The following DSCAML1 variants were observed in gnomAD, a reference collection of about 807,000 sequenced individuals.
The protein encoded by DSCAML1 is cell adhesion molecule DSCAML1.
Under a neutral mutation model 200.5 loss-of-function variants are expected in DSCAML1, and 38 were observed. The ratio of observed to expected loss-of-function variants is 0.19; its 90% CI spans 0.15 to 0.25. The LOEUF (loss-of-function observed/expected upper bound fraction) is 0.25, where lower values mean the gene tolerates loss of function less well. DSCAML1 is among the 10% of genes least tolerant of loss of function. DSCAML1 has a pLI of 1.00. For missense variants in DSCAML1, 2,223 were observed against 2,858.8 expected, an observed-to-expected ratio of 0.78 and a Z score of 5.07; for synonymous variants, 1,215 against 1,165.0, an observed-to-expected ratio of 1.04 and a Z score of -0.87.
At chr11:117,724,998 C>G (rs544617673) in intron 3 of DSCAML1, among the ~76,000 whole-genome samples, 1 of 152,196 alleles carries the variant, frequency 6.6e-6, no homozygotes, top group East Asian at 1.9e-4. Flanking sequence ...TCTCTGGACA[C>G]CCCCAAAGGC....
chr11:117,428,624 G>A lies in DSCAML1; in HGVS notation c.5866C>T (p.Pro1956Ser), dbSNP rs768423039. 3 of 1,609,958 alleles carry A rather than the reference G, an allele frequency of 1.9e-6. No homozygotes were observed. The highest frequency in any genetic ancestry group is 2.5e-6 in the Non-Finnish European group (3 of 1,178,474). Reference sequence around the variant, plus strand: ...GCGGCAGCGGGGGCCCCTGGGTGGGGAAGGCCCAAGGACTTGCTGGCAGGG... The same window carrying A: ...GCGGCAGCGGGGGCCCCTGGGTGGGAAAGGCCCAAGGACTTGCTGGCAGGG... ...LDPASKSLGL[P>S]HPGAPAAAST... The change falls in exon 33 of 33, where the codon CCC (proline) becomes TCC (serine). Residue 1956 changes from proline (P) to serine (S), a missense_variant. By Grantham distance (74) the Pro-to-Ser change is moderately conservative. This residue lies in a region of DSCAML1 where 280 missense variants were observed against 213.4 expected (regional missense o/e 1.31). Coordinates refer to ENST00000651296, the MANE Select transcript of DSCAML1 (RefSeq NM_020693.4).
intron 3 of DSCAML1, among the ~76,000 whole-genome samples, chr11:117,578,007 G>T (rs532616376): frequency 2.0e-5 from 3 of 151,820 alleles, no homozygotes; most frequent in African/African-American, 7.2e-5. Flanking sequence ...GGCTGGGATG[G>T]GTGGATCACC....
At chr11:117,647,922 C>T (rs1468990289) in intron 3 of DSCAML1, among the ~76,000 whole-genome samples, 1 of 152,154 alleles carries the variant, frequency 6.6e-6, no homozygotes, top group Non-Finnish European at 1.5e-5. Flanking sequence ...GCCCTTGTGG[C>T]CATGTCACGT....
chr11:117,784,734 G>A (rs1057107724), intron 1 of DSCAML1, among the ~76,000 whole-genome samples: 1 of 152,176 alleles, frequency 6.6e-6, no homozygotes, highest in African/African-American at 2.4e-5. Flanking sequence ...CCCCTCACCT[G>A]CTGTGTGACC....
chr11:117,630,006 A>C (rs910760946), intron 3 of DSCAML1, among the ~76,000 whole-genome samples: 4 of 152,084 alleles, frequency 2.6e-5, no homozygotes, highest in Non-Finnish European at 5.9e-5. Flanking sequence ...GTCTCCAAAA[A>C]AGAGAGAGAT....
chr11:117,573,534 G>A (rs1565798396), intron 3 of DSCAML1, among the ~76,000 whole-genome samples: 2 of 152,182 alleles, frequency 1.3e-5, no homozygotes, highest in East Asian at 1.9e-4. Context: ...CCCCAGCCAG[G>A]TAATCCCCTG....
chr11:117,759,373 G>A (rs1027333529), intron 3 of DSCAML1, among the ~76,000 whole-genome samples: 3 of 152,210 alleles, frequency 2.0e-5, no homozygotes, highest in Non-Finnish European at 4.4e-5. Context: ...GTGCTTTTAA[G>A]AGCTAAAGCA....
intron 1 of DSCAML1, among the ~76,000 whole-genome samples, chr11:117,786,995 C>G (rs2055367529): frequency 6.6e-6 from 1 of 152,204 alleles, no homozygotes; most frequent in African/African-American, 2.4e-5. Flanking sequence ...CTCTCCCTTG[C>G]AAGGCCATTA....
At chr11:117,441,552 G>A (rs894730022) in intron 21 of DSCAML1, among the ~76,000 whole-genome samples, 3 of 152,136 alleles carry the variant, frequency 2.0e-5, no homozygotes, top group Non-Finnish European at 4.4e-5. Context: ...AGAGTGTGGT[G>A]GGTGGGTAAA....
rs530830244 is a variant in DSCAML1, at chr11:117,435,565, T to G, written c.4876+79A>C. Reference sequence around the variant, plus strand: ...GCACTCTGTATCATCCAGATGGTGCTGTGAGCCAGGGAAGGGGGGGGACAA... The same window carrying G: ...GCACTCTGTATCATCCAGATGGTGCGGTGAGCCAGGGAAGGGGGGGGACAA... On this transcript the variant is annotated intron_variant, in intron 27 of 32. Coordinates refer to ENST00000651296, the MANE Select transcript of DSCAML1 (RefSeq NM_020693.4). The G allele has an allele frequency of 4.0e-6, 6 of 1,484,518 alleles. No individual in the cohort carries two copies. The East Asian group carries it at 1.4e-4, about 34-fold the overall frequency. 92.0% of individuals were successfully genotyped at this position (1,484,518 alleles called of 1,614,324 possible).
At chr11:117,434,867 C>T (rs1481189080) in intron 27 of DSCAML1, among the ~76,000 whole-genome samples, 1 of 152,222 alleles carries the variant, frequency 6.6e-6, no homozygotes, top group Admixed American at 6.5e-5. Context: ...ATCTATTCAT[C>T]CATTTACCCA....
At chr11:117,459,695 AG>A (rs1326946153) in intron 18 of DSCAML1, among the ~76,000 whole-genome samples, 1 of 152,190 alleles carries the variant, frequency 6.6e-6, no homozygotes, top group African/African-American at 2.4e-5. Context: ...TTGTAAGAGG[AG>A]GAAAAGGGAC....
intron 3 of DSCAML1, among the ~76,000 whole-genome samples, chr11:117,658,993 T>C (rs1047463214): frequency 2.0e-5 from 3 of 152,070 alleles, no homozygotes; most frequent in African/African-American, 4.8e-5. Flanking sequence ...CCTATTATTA[T>C]TGGACTTGTA....
chr11:117,444,142 G>T (rs1018909614), intron 20 of DSCAML1, 103 bp from the exon 21 acceptor site: 2 of 1,326,444 alleles, frequency 1.5e-6, no homozygotes, highest in Non-Finnish European at 2.0e-6. Context: ...TGGCGGGGTC[G>T]GATGCGAGGC....
intron 3 of DSCAML1, among the ~76,000 whole-genome samples, chr11:117,702,205 C>T (rs1288096313): frequency 1.3e-5 from 2 of 152,158 alleles, no homozygotes; most frequent in East Asian, 3.9e-4. Context: ...ATTCAACGGC[C>T]CACATTGCTT....
At chr11:117,628,818 T>C (rs989918743) in intron 3 of DSCAML1, among the ~76,000 whole-genome samples, 1 of 152,230 alleles carries the variant, frequency 6.6e-6, no homozygotes, top group African/African-American at 2.4e-5. Context: ...AGAAACCAGA[T>C]GGCTCAATCT....
intron 3 of DSCAML1, among the ~76,000 whole-genome samples, chr11:117,626,866 T>C (rs1038834365): frequency 2.6e-5 from 4 of 151,860 alleles, no homozygotes; most frequent in African/African-American, 9.7e-5. Context: ...CAAAATCTCA[T>C]CCTATGCTCC....
intron 11 of DSCAML1, among the ~76,000 whole-genome samples, chr11:117,502,829 G>T (rs2049421908): frequency 6.6e-6 from 1 of 152,140 alleles, no homozygotes; most frequent in African/African-American, 2.4e-5. Flanking sequence ...AACGGGTAAG[G>T]CCCTATTACG....
At chr11:117,660,568 C>T (rs1025898925) in intron 3 of DSCAML1, among the ~76,000 whole-genome samples, 2 of 152,056 alleles carry the variant, frequency 1.3e-5, no homozygotes, top group South Asian at 2.1e-4. Flanking sequence ...AGGCTGTAGC[C>T]GGGGCTAATA....
Sources: allele counts gnomAD v4.1 joint callset (sites outside exome capture counted in the v4.1 genomes callset), GRCh38; gene constraint gnomAD v4.1.1; regional missense constraint gnomAD v4.1.1; transcripts MANE v1.5; gene names NCBI Gene and HGNC (gene_info 2026-07-23, HGNC 2026-07-21).